SV2C: variants seen among roughly 807,000 people sequenced by gnomAD.
SV2C encodes the protein solute carrier family 22 member B3.
SV2C carries 49 observed loss-of-function variants against 79.7 expected under a neutral mutation model. That is an observed-to-expected ratio of 0.61 (90% CI 0.49 to 0.78). SV2C has a LOEUF of 0.78. SV2C is among the 30% of genes least tolerant of loss of function. The pLI is 0.00. For missense variants in SV2C, 833 were observed against 912.9 expected (o/e 0.91, Z 1.13); for synonymous variants, 334 against 333.2 (o/e 1.00, Z -0.03).
chr5:76,080,673 A>C (rs571369801), upstream of SV2C, among the ~76,000 whole-genome samples: 2 of 152,272 alleles, frequency 1.3e-5, no homozygotes, highest in South Asian at 2.1e-4. Context: ...TGTCTTTCAC[A>C]GCTTGTTTTT....
rs1238476727 is a variant in SV2C, at chr5:76,327,695, A to G, written c.*2148A>G. On this transcript the variant is annotated 3_prime_UTR_variant, in exon 13 of 13. Coordinates refer to ENST00000502798, the MANE Select transcript of SV2C (RefSeq NM_014979.4). ...AAGAAAAATAGAAATGTACATGGGC[A>G]TCGCTGTCTCTAGTCCTCTGTGATA... 1 of 152,256 alleles carries G rather than the reference A, an allele frequency of 6.6e-6. No homozygotes were observed. The highest frequency in any genetic ancestry group is 1.5e-5 in the Non-Finnish European group (1 of 68,042). 9.4% of individuals were successfully genotyped at this position (152,256 alleles called of 1,614,324 possible).
chr5:76,325,570 T>G lies in SV2C; in HGVS notation c.*23T>G, dbSNP rs748004996. On this transcript the variant is annotated 3_prime_UTR_variant, in exon 13 of 13. Transcript: ENST00000502798. ...TAATGGGAAAAAAAGCCATCCTTCCTGCGTTTCTTCCTCCTGCCCTGGGTC... is the reference window on the plus strand; with the variant it reads ...TAATGGGAAAAAAAGCCATCCTTCCGGCGTTTCTTCCTCCTGCCCTGGGTC... 1 of 1,611,840 alleles carries G rather than the reference T, an allele frequency of 6.2e-7. No individual in the cohort carries two copies. The highest frequency in any genetic ancestry group is 1.1e-5 in the South Asian group (1 of 90,838).
intron 3 of SV2C, among the ~76,000 whole-genome samples, chr5:76,202,029 A>G (rs1369157688): frequency 6.6e-6 from 1 of 151,294 alleles, no homozygotes; most frequent in Non-Finnish European, 1.5e-5. Context: ...AAAAAAAAAA[A>G]AAAAAAAGAA....
At chr5:76,351,238 G>C (rs1471394696) in intron 12 of SV2C, among the ~76,000 whole-genome samples, 2 of 152,074 alleles carry the variant, frequency 1.3e-5, no homozygotes, top group Non-Finnish European at 2.9e-5. Context: ...TTGAGCTTAG[G>C]GGTTTGAGAC....
chr5:76,078,701 GC>G (rs1291403721), upstream of SV2C: 4 of 503,848 alleles, frequency 7.9e-6, no homozygotes, highest in African/African-American at 5.8e-5. Flanking sequence ...TCAACTTCAT[GC>G]TCGGTGCCAA....
the SV2C span, among the ~76,000 whole-genome samples, chr5:75,937,530 A>G: frequency 6.6e-6 from 1 of 152,004 alleles, no homozygotes. Context: ...GAAAAACTCC[A>G]TCTCTATTAT....
chr5:76,030,283 TTTTTTTTTTA>T, the SV2C span, among the ~76,000 whole-genome samples: 8 of 121,400 alleles, frequency 6.6e-5, no homozygotes, highest in Non-Finnish European at 1.2e-4. Flanking sequence ...TTTTTTTTTT[TTTTTTTTTTA>T]TTTATTCCTG....
At chr5:76,289,426 T>A (rs1747473039) in intron 6 of SV2C, among the ~76,000 whole-genome samples, 1 of 152,042 alleles carries the variant, frequency 6.6e-6, no homozygotes, top group Admixed American at 6.6e-5. Context: ...CTTTGGGCAG[T>A]GAGGGGTGGG....
chr5:76,156,870 T>C (rs1161293873), intron 2 of SV2C, among the ~76,000 whole-genome samples: 1 of 151,522 alleles, frequency 6.6e-6, no homozygotes, highest in African/African-American at 2.4e-5. Flanking sequence ...TTATACAAGC[T>C]GAAGAGAGAA....
chr5:76,010,694 G>T, the SV2C span, among the ~76,000 whole-genome samples: 5 of 152,258 alleles, frequency 3.3e-5, no homozygotes, highest in African/African-American at 4.8e-5. Context: ...TTTAGCTTAA[G>T]TGTATTTTCT....
At chr5:76,211,594 C>T (rs1744770944) in intron 4 of SV2C, among the ~76,000 whole-genome samples, 1 of 152,156 alleles carries the variant, frequency 6.6e-6, no homozygotes, top group Non-Finnish European at 1.5e-5. Flanking sequence ...CAGAAACTCA[C>T]TCTCTGCTCT....
At position 76,284,629 on chromosome 5, in the gene SV2C, C is replaced by T. The variant is rs57839168; in HGVS notation, c.914-533C>T. On this transcript the variant is annotated intron_variant, in intron 4 of 12. Coordinates refer to ENST00000502798, the MANE Select transcript of SV2C (RefSeq NM_014979.4). ...AAAGAAGGCCCAGGAAATGAGAGCACACACTGCCAGACCTCCAGCCAGTCA... is the reference window on the plus strand; with the variant it reads ...AAAGAAGGCCCAGGAAATGAGAGCATACACTGCCAGACCTCCAGCCAGTCA... Among the ~76,000 whole-genome samples the T allele has an allele frequency of 6.8e-3, 1,034 of 152,274 alleles. 12 individuals carry two copies. The highest frequency in any genetic ancestry group is 0.024 in the African/African-American group (977 of 41,572).
chr5:76,335,232 C>G (rs1162630210), downstream of SV2C, among the ~76,000 whole-genome samples: 1 of 152,096 alleles, frequency 6.6e-6, no homozygotes, highest in East Asian at 1.9e-4. Context: ...GGAACCAGCT[C>G]TCACTTCTTC....
intron 6 of SV2C, among the ~76,000 whole-genome samples, chr5:76,289,142 C>G (rs969812714): frequency 1.3e-5 from 2 of 152,202 alleles, no homozygotes; most frequent in Non-Finnish European, 2.9e-5. Flanking sequence ...CTGCCTCAGC[C>G]TCGCAAAGGG....
At chr5:76,138,515 G>A (rs146373632) in intron 2 of SV2C, among the ~76,000 whole-genome samples, 55 of 152,288 alleles carry the variant, frequency 3.6e-4, no homozygotes, top group African/African-American at 1.3e-3. Flanking sequence ...ATTATAAACA[G>A]TACATAATGG....
At chr5:75,983,061 C>A in the SV2C span, among the ~76,000 whole-genome samples, 2 of 152,144 alleles carry the variant, frequency 1.3e-5, no homozygotes, top group East Asian at 1.9e-4. Flanking sequence ...GTACAACAAA[C>A]CCTCATGATA....
chr5:76,021,766 C>A, the SV2C span, among the ~76,000 whole-genome samples: 1 of 152,112 alleles, frequency 6.6e-6, no homozygotes, highest in Admixed American at 6.6e-5. Context: ...CTCTACCTTT[C>A]ATTTCATCCC....
At chr5:76,219,113 A>C (rs2112373225) in intron 4 of SV2C, among the ~76,000 whole-genome samples, 1 of 152,260 alleles carries the variant, frequency 6.6e-6, no homozygotes. Context: ...TCAGCAGCCC[A>C]GCCAGGACAG....
At chr5:76,343,584 C>T (rs537028558) in intron 12 of SV2C, among the ~76,000 whole-genome samples, 26 of 152,308 alleles carry the variant, frequency 1.7e-4, no homozygotes, top group African/African-American at 5.8e-4. Context: ...ACAAGGAGCA[C>T]TCACCAAGGA....
Sources: gnomAD v4.1 joint callset for allele counts (sites outside exome capture counted in the v4.1 genomes callset) on GRCh38, gnomAD v4.1.1 for gene constraint, MANE v1.5 for transcripts, NCBI Gene and HGNC (gene_info 2026-07-23, HGNC 2026-07-21) for gene names.